The following HEPH variants were observed in gnomAD, a reference collection of about 807,000 sequenced individuals.
HEPH encodes the protein hephaestin.
HEPH carries 69 observed loss-of-function variants against 80.8 expected under a neutral mutation model. That is an observed-to-expected ratio of 0.85 (90% CI 0.70 to 1.04). HEPH has a LOEUF of 1.04. HEPH is among the 50% of genes least tolerant of loss of function. HEPH has a pLI of 0.00. For missense variants in HEPH, 1,115 were observed against 891.3 expected (o/e 1.25, Z -3.20); for synonymous variants, 431 against 322.8 (o/e 1.34, Z -3.60).
At chrX:66,195,059 C>G (rs747883174) in intron 8 of HEPH, 39 bp from the exon 9 acceptor site, 1 of 1,096,503 alleles carries the variant, frequency 9.1e-7, no homozygotes, top group Non-Finnish European at 1.2e-6. Context: ...CTGTTTATCC[C>G]TTTCATCATT....
At chrX:66,180,141 GT>G (rs959029990) in intron 4 of HEPH, among the ~76,000 whole-genome samples, 14 of 105,777 alleles carry the variant, frequency 1.3e-4, no homozygotes, top group East Asian at 3.0e-4. Flanking sequence ...TGTGTACCTT[GT>G]TTTTTTTTTA....
In HEPH at chrX:66,178,771, C is replaced by T. The variant is rs765108438; in HGVS notation, c.625+4970C>T. 4.6e-4 allele frequency among the ~76,000 whole-genome samples: 51 copies of T among 112,012 alleles called. No individual in the cohort carries two copies. The South Asian group carries it at 5.5e-3, about 12-fold the overall frequency. ...TTGAGAAGTGTCTGTTCATATCCTT[C>T]GCCCACTTTTTGATGGGGTTGTTTA... On this transcript the variant is annotated intron_variant, in intron 4 of 20. Transcript: ENST00000343002.
chrX:66,198,268 C>G (rs770173274), intron 10 of HEPH, among the ~76,000 whole-genome samples: 21 of 106,823 alleles, frequency 2.0e-4, no homozygotes, highest in African/African-American at 6.9e-4. Context: ...ATTTGCTTGT[C>G]TTCTTTTGTA....
chrX:66,216,510 A>G (rs776632404), intron 15 of HEPH, among the ~76,000 whole-genome samples: 68 of 111,990 alleles, frequency 6.1e-4, no homozygotes, highest in African/African-American at 2.2e-3. Context: ...GTTTCTCCCT[A>G]GGGAAAGGGG....
At chrX:66,220,590 CA>C (rs1467710371) in intron 15 of HEPH, among the ~76,000 whole-genome samples, 1 of 112,083 alleles carries the variant, frequency 8.9e-6, no homozygotes, top group Non-Finnish European at 1.9e-5. Context: ...CATTTCCACA[CA>C]GTCCTAACTC....
At chrX:66,177,993 G>A (rs754829461) in intron 4 of HEPH, among the ~76,000 whole-genome samples, 5 of 111,206 alleles carry the variant, frequency 4.5e-5, no homozygotes, top group African/African-American at 6.5e-5. Context: ...TGTGCACAAC[G>A]TGCAGGTTTG....
At chrX:66,195,713 G>A (rs2223446) in intron 9 of HEPH, among the ~76,000 whole-genome samples, 8,355 of 110,514 alleles carry the variant, frequency 0.076, 774 homozygotes, top group African/African-American at 0.26. Context: ...AGGATTTGTC[G>A]AAATTTATTT....
intron 4 of HEPH, among the ~76,000 whole-genome samples, chrX:66,177,505 G>A (rs1182711593): frequency 1.8e-5 from 2 of 111,860 alleles, no homozygotes; most frequent in Admixed American, 1.9e-4. Context: ...TAGTTTATGT[G>A]CAGAAAGGTG....
At chrX:66,163,745 C>T (rs916088692), upstream of HEPH, among the ~76,000 whole-genome samples, 1 of 111,794 alleles carries the variant, frequency 8.9e-6, no homozygotes, top group African/African-American at 3.3e-5. Context: ...GGACAAGTTA[C>T]CTTCCCTCTC....
At chrX:66,252,600 T>C (rs891461937) in intron 15 of HEPH, among the ~76,000 whole-genome samples, 1 of 111,768 alleles carries the variant, frequency 8.9e-6, no homozygotes, top group African/African-American at 3.2e-5. Flanking sequence ...ATAAAAGGTA[T>C]GACATGAACA....
intron 15 of HEPH, among the ~76,000 whole-genome samples, chrX:66,247,559 G>A (rs2090858750): frequency 9.0e-6 from 1 of 110,718 alleles, no homozygotes; most frequent in African/African-American, 3.3e-5. Context: ...GTTCAGATAT[G>A]GTTTTAAGTT....
At chrX:66,195,016 C>A (rs907967974) in intron 8 of HEPH, 82 bp from the exon 9 acceptor site, 4 of 801,204 alleles carry the variant, frequency 5.0e-6, no homozygotes, top group Non-Finnish European at 6.7e-6. Flanking sequence ...CTTTCCTTTT[C>A]TTTCCCTCCC....
chrX:66,162,883 A>C, upstream of HEPH: 2 of 1,152,152 alleles, frequency 1.7e-6, no homozygotes, highest in South Asian at 3.9e-5. Context: ...CAAAGTAAGA[A>C]TATCAGGTGG....
chrX:66,250,146 G>A (rs1230392069), intron 15 of HEPH, among the ~76,000 whole-genome samples: 1 of 111,367 alleles, frequency 9.0e-6, no homozygotes, highest in Non-Finnish European at 1.9e-5. Context: ...TTACTTGTAT[G>A]TTGTTTCCTC....
In HEPH at chrX:66,231,130, A is replaced by G. The variant is rs201133327; in HGVS notation, c.2563+22884A>G. Among the ~76,000 whole-genome samples the G allele has an allele frequency of 7.8e-3, 858 of 109,389 alleles. 44 individuals are homozygous for G. In the East Asian group the frequency reaches 0.17, roughly 21 times the overall value. The allele number at this position is 109,389 out of a possible 115,157, so 95.0% of individuals were successfully genotyped here. A position where few individuals can be genotyped will look rare whatever the true frequency, so the allele number is the denominator to read the frequency against. ...CTGAGGGCTCTGTTCTGTTCCATTG[A>G]TCTATATCTCTGTTTTGGTACAAGT... On this transcript the variant is annotated intron_variant, in intron 15 of 20. Transcript: ENST00000343002.
chrX:66,239,348 G>A (rs1027726153), intron 15 of HEPH, among the ~76,000 whole-genome samples: 1 of 111,503 alleles, frequency 9.0e-6, no homozygotes, highest in African/African-American at 3.3e-5. Context: ...CCCAGCTTTT[G>A]TGTCTTCCTT....
intron 15 of HEPH, among the ~76,000 whole-genome samples, chrX:66,223,641 G>T (rs985005129): frequency 9.0e-6 from 1 of 111,557 alleles, no homozygotes; most frequent in African/African-American, 3.3e-5. Flanking sequence ...CAGAAAAACT[G>T]GATGATACCC....
chrX:66,241,660 G>A (rs1364362092), intron 15 of HEPH, among the ~76,000 whole-genome samples: 2 of 111,479 alleles, frequency 1.8e-5, no homozygotes, highest in African/African-American at 6.5e-5. Flanking sequence ...CAATAATAGT[G>A]GGAGACTGCA....
At chrX:66,238,210 C>T (rs946697380) in intron 15 of HEPH, among the ~76,000 whole-genome samples, 1 of 111,268 alleles carries the variant, frequency 9.0e-6, no homozygotes, top group Non-Finnish European at 1.9e-5. Context: ...TTTATGTTGT[C>T]ATTAGTCTGT....
Sources: gnomAD v4.1 joint callset for allele counts (sites outside exome capture counted in the v4.1 genomes callset) on GRCh38, gnomAD v4.1.1 for gene constraint, MANE v1.5 for transcripts, NCBI Gene and HGNC (gene_info 2026-07-23, HGNC 2026-07-21) for gene names.